Variants in TMEM9 observed in about 807,000 individuals in gnomAD.
TMEM9 encodes the protein transmembrane protein 9, also known as proton-transporting V-type ATPase complex assembly regulator TMEM9.
A neutral mutation model predicts 22.8 loss-of-function variants in TMEM9; 13 were observed. The observed-to-expected ratio is 0.57, with a 90% CI of 0.37 to 0.91. TMEM9 has a LOEUF of 0.91. TMEM9 is among the 40% of genes least tolerant of loss of function. The pLI, the probability that TMEM9 is intolerant of heterozygous loss-of-function variation, is 0.01. For synonymous variants in TMEM9, 88 were observed against 93.0 expected (o/e 0.95, Z 0.31); for missense variants, 182 against 238.1 (o/e 0.76, Z 1.55).
intron 2 of TMEM9, among the ~76,000 whole-genome samples, chr1:201,149,927 C>T (rs1665289344): frequency 6.6e-6 from 1 of 152,174 alleles, no homozygotes; most frequent in Non-Finnish European, 1.5e-5. Context: ...TCAGTTTACA[C>T]CCACCACCCT....
chr1:201,138,902 G>C (rs6703022), intron 4 of TMEM9, among the ~76,000 whole-genome samples: 38,534 of 152,138 alleles, frequency 0.25, 5,380 homozygotes, highest in Non-Finnish European at 0.3. Context: ...TTTCTCCTAA[G>C]AGGGAGCCAG....
chr1:201,140,633 G>C (rs141711465), intron 4 of TMEM9, among the ~76,000 whole-genome samples: 94 of 152,170 alleles, frequency 6.2e-4, no homozygotes, highest in African/African-American at 2.1e-3. Context: ...AGGAACCAAG[G>C]GGTCCCTAAC....
chr1:201,138,649 A>G (rs970402624), intron 4 of TMEM9, among the ~76,000 whole-genome samples: 1 of 152,208 alleles, frequency 6.6e-6, no homozygotes, highest in Non-Finnish European at 1.5e-5. Context: ...GACCAGTGTG[A>G]CTATGACAAG....
intron 1 of TMEM9, 52 bp from the exon 2 acceptor site, chr1:201,151,904 G>A (rs1665452650): frequency 1.4e-6 from 2 of 1,436,200 alleles, no homozygotes; most frequent in African/African-American, 1.4e-5. Context: ...TGGGGTTCAG[G>A]GGGTTCAGGC....
chr1:201,156,287 G>A (rs1438506418), upstream of TMEM9, among the ~76,000 whole-genome samples: 1 of 152,132 alleles, frequency 6.6e-6, no homozygotes, highest in African/African-American at 2.4e-5. Context: ...GTGTCCCCAG[G>A]AGGTAGCTAT....
At chr1:201,143,796 C>T (rs956903149) in intron 4 of TMEM9, 24 bp downstream of exon 4, 4 of 1,612,568 alleles carry the variant, frequency 2.5e-6, no homozygotes, top group Non-Finnish European at 2.5e-6. Flanking sequence ...GGACCCAGGG[C>T]CTGGGCACTC....
upstream of TMEM9, among the ~76,000 whole-genome samples, chr1:201,155,084 G>T (rs1447594111): frequency 2.0e-5 from 3 of 152,174 alleles, no homozygotes; most frequent in African/African-American, 7.2e-5. Context: ...AGGGTCCCTG[G>T]CTGCTATGTG....
chr1:201,139,908 C>T (rs1200337152), intron 4 of TMEM9, among the ~76,000 whole-genome samples: 1 of 152,226 alleles, frequency 6.6e-6, no homozygotes, highest in Non-Finnish European at 1.5e-5. Flanking sequence ...AACCACAATG[C>T]TGTGCTGCCC....
At chr1:201,148,929 G>A (rs1392611007) in intron 2 of TMEM9, among the ~76,000 whole-genome samples, 1 of 152,234 alleles carries the variant, frequency 6.6e-6, no homozygotes, top group African/African-American at 2.4e-5. Flanking sequence ...GCACTTGGCT[G>A]CCATTCCTGT....
intron 1 of TMEM9, among the ~76,000 whole-genome samples, chr1:201,152,161 G>GGTGTGT (rs3222916): frequency 6.7e-4 from 101 of 150,060 alleles, no homozygotes; most frequent in African/African-American, 1.3e-3. Context: ...AGGGGAAATG[G>GGTGTGT]GTGTGTGTGT....
At chr1:201,137,794 A>G (rs1414987276) in intron 4 of TMEM9, among the ~76,000 whole-genome samples, 1 of 152,228 alleles carries the variant, frequency 6.6e-6, no homozygotes, top group Non-Finnish European at 1.5e-5. Flanking sequence ...CTAATATCAG[A>G]GCCTAGCTCT....
chr1:201,146,636 T>C (rs574500251), intron 3 of TMEM9, 104 bp downstream of exon 3: 11 of 1,232,880 alleles, frequency 8.9e-6, no homozygotes, highest in Middle Eastern at 1.9e-4. Context: ...CTCATAGCCA[T>C]TGGGACATTC....
At chr1:201,146,301 T>C (rs1664958870) in intron 3 of TMEM9, among the ~76,000 whole-genome samples, 1 of 152,306 alleles carries the variant, frequency 6.6e-6, no homozygotes, top group Middle Eastern at 3.4e-3. Flanking sequence ...AGTCCACAGC[T>C]CTGATGCTTT....
intron 1 of TMEM9, among the ~76,000 whole-genome samples, chr1:201,167,353 T>C (rs1666103078): frequency 2.0e-5 from 3 of 152,078 alleles, no homozygotes; most frequent in African/African-American, 7.2e-5. Flanking sequence ...GGAATGCTGA[T>C]TGGTTGGGTC....
chr1:201,138,655 A>T (rs1304601288), intron 4 of TMEM9, among the ~76,000 whole-genome samples: 2 of 152,208 alleles, frequency 1.3e-5, no homozygotes, highest in Non-Finnish European at 2.9e-5. Flanking sequence ...TGTGACTATG[A>T]CAAGTGCCAC....
chr1:201,135,920 C>T (rs1663950020), intron 4 of TMEM9, 105 bp from the exon 5 acceptor site: 1 of 1,234,440 alleles, frequency 8.1e-7, no homozygotes, highest in Non-Finnish European at 1.1e-6. Flanking sequence ...CCTTACCTTC[C>T]CCAGACTGGG....
intron 3 of TMEM9, 41 bp downstream of exon 3, chr1:201,146,699 C>T (rs4915487): frequency 0.014 from 21,422 of 1,577,802 alleles, 654 homozygotes; most frequent in East Asian, 0.1. Flanking sequence ...TGGAGAATGG[C>T]GTGTGGGAAT....
chr1:201,143,618 T>C (rs1376682284), intron 4 of TMEM9, among the ~76,000 whole-genome samples: 1 of 152,252 alleles, frequency 6.6e-6, no homozygotes, highest in Non-Finnish European at 1.5e-5. Context: ...TGGAGACTGC[T>C]TGATGCCCGG....
intron 1 of TMEM9, 54 bp from the exon 2 acceptor site, chr1:201,151,906 G>T: frequency 1.4e-6 from 2 of 1,399,132 alleles, no homozygotes; most frequent in South Asian, 2.3e-5. Context: ...GGGTTCAGGG[G>T]GTTCAGGCTC....
Sources: gnomAD v4.1 joint callset for allele counts (sites outside exome capture counted in the v4.1 genomes callset) on GRCh38, gnomAD v4.1.1 for gene constraint, MANE v1.5 for transcripts, NCBI Gene and HGNC (gene_info 2026-07-23, HGNC 2026-07-21) for gene names.